DENND1A: variants seen among roughly 807,000 people sequenced by gnomAD.
DENND1A encodes the protein DENN domain-containing protein 1A.
Under a neutral mutation model 113.7 loss-of-function variants are expected in DENND1A, and 51 were observed. The observed-to-expected ratio is 0.45, with a 90% CI of 0.36 to 0.57. The LOEUF is 0.57. Among genes scored for constraint, DENND1A ranks in the 20% least tolerant of loss-of-function variants. DENND1A has a pLI of 0.00. For synonymous variants in DENND1A, 565 were observed against 570.8 expected (o/e 0.99, Z 0.14); for missense variants, 1,258 against 1,395.9 (o/e 0.90, Z 1.57).
At chr9:123,506,393 G>A (rs2052936624) in intron 13 of DENND1A, among the ~76,000 whole-genome samples, 1 of 151,830 alleles carries the variant, frequency 6.6e-6, no homozygotes, top group African/African-American at 2.4e-5. Context: ...ACCATCCTGG[G>A]CAACATGGTG....
At chr9:123,828,793 A>G (rs1171541109) in intron 2 of DENND1A, among the ~76,000 whole-genome samples, 1 of 152,156 alleles carries the variant, frequency 6.6e-6, no homozygotes, top group East Asian at 1.9e-4. Flanking sequence ...TCTATACCCA[A>G]TGAAAATATC....
chr9:123,929,916 C>A lies in DENND1A; in HGVS notation c.-11G>T. 3 of 343,990 alleles carry A rather than the reference C, an allele frequency of 8.7e-6. No homozygotes were observed. Among genetic ancestry groups the A allele is most frequent in the Admixed American group, 4.2e-5 (1 of 24,070 alleles). 21.3% of individuals were successfully genotyped at this position (343,990 alleles called of 1,614,324 possible). On this transcript the variant is annotated 5_prime_UTR_variant, in exon 1 of 24. Coordinates refer to ENST00000394215, the MANE Select transcript of DENND1A (RefSeq NM_001352964.2). Reference sequence around the variant, plus strand: ...GATCCTGGAGCCCATGGTCCCCAGGCCTCCTCATGGGCCCGCGGGCCCCGC... The same window carrying A: ...GATCCTGGAGCCCATGGTCCCCAGGACTCCTCATGGGCCCGCGGGCCCCGC...
intron 1 of DENND1A, among the ~76,000 whole-genome samples, chr9:123,894,830 T>C (rs984419467): frequency 1.3e-5 from 2 of 152,148 alleles, no homozygotes; most frequent in African/African-American, 4.8e-5. Flanking sequence ...TTCCAAACAT[T>C]TGGGAACCAG....
At chr9:123,475,939 T>A (rs1044094540) in intron 13 of DENND1A, among the ~76,000 whole-genome samples, 1 of 152,172 alleles carries the variant, frequency 6.6e-6, no homozygotes, top group Admixed American at 6.5e-5. Context: ...ATCCCAGCAC[T>A]TTGGGAGGCC....
rs368616640 is a variant in DENND1A, at chr9:123,660,067, C to G, written c.507+6959G>C. On this transcript the variant is annotated intron_variant, in intron 8 of 23. Coordinates refer to ENST00000394215, the MANE Select transcript of DENND1A (RefSeq NM_001352964.2). ...ATAGAACACATCAATTCCAGGGAGG[C>G]AGTGGGGTACAACAGGAACAAAAGC... Among the ~76,000 whole-genome samples the G allele has an allele frequency of 2.2e-4, 34 of 152,184 alleles. No homozygotes were observed. In the East Asian group the frequency reaches 2.9e-3, roughly 13 times the overall value.
intron 2 of DENND1A, among the ~76,000 whole-genome samples, chr9:123,863,430 A>G (rs1179638303): frequency 6.6e-6 from 1 of 152,196 alleles, no homozygotes; most frequent in Non-Finnish European, 1.5e-5. Context: ...TATGTTTTGG[A>G]GAAAAGGAAG....
chr9:123,912,473 G>C (rs1334484909), intron 1 of DENND1A, among the ~76,000 whole-genome samples: 1 of 152,116 alleles, frequency 6.6e-6, no homozygotes, highest in African/African-American at 2.4e-5. Context: ...ACCAAAAAGG[G>C]CAGCTAATAA....
At chr9:123,382,821 G>A (rs1390233517) in intron 23 of DENND1A, among the ~76,000 whole-genome samples, 196 bp from the exon 24 acceptor site, 1 of 152,268 alleles carries the variant, frequency 6.6e-6, no homozygotes, top group Non-Finnish European at 1.5e-5. Context: ...CTCCAAGCCT[G>A]TGCTCCGGGA....
chr9:123,791,311 G>T (rs937021835), intron 3 of DENND1A, among the ~76,000 whole-genome samples: 3 of 152,028 alleles, frequency 2.0e-5, no homozygotes, highest in African/African-American at 7.2e-5. Flanking sequence ...TTAATGAAAA[G>T]GTCCTATAAT....
intron 13 of DENND1A, among the ~76,000 whole-genome samples, chr9:123,526,509 T>A (rs1039404025): frequency 6.6e-6 from 1 of 152,164 alleles, no homozygotes; most frequent in African/African-American, 2.4e-5. Flanking sequence ...CATCTGGTTG[T>A]CATCATTTTC....
rs536122129 is a variant in DENND1A, at chr9:123,440,158, G to A, written c.1488+202C>T. 318 of 552,516 alleles carry A rather than the reference G, an allele frequency of 5.8e-4. 1 individual carries two copies. The highest frequency in any genetic ancestry group is 4.7e-3 in the African/African-American group (234 of 50,294). 34.2% of individuals were successfully genotyped at this position (552,516 alleles called of 1,614,324 possible). A position where few individuals can be genotyped will look rare whatever the true frequency, so the allele number is the denominator to read the frequency against. ...GTCCCGCTCATTTATGACCTCAGCC[G>A]TGCTGTCTCCTCAAAATTTTTGAAA... On this transcript the variant is annotated intron_variant, in intron 19 of 23. Transcript: ENST00000394215.
chr9:123,612,441 A>C (rs1175604187), intron 10 of DENND1A, among the ~76,000 whole-genome samples: 2 of 152,326 alleles, frequency 1.3e-5, no homozygotes, highest in East Asian at 3.8e-4. Context: ...TGATTATATT[A>C]TCCTAACACA....
At chr9:123,505,593 G>A (rs2052857409) in intron 13 of DENND1A, among the ~76,000 whole-genome samples, 1 of 152,158 alleles carries the variant, frequency 6.6e-6, no homozygotes, top group Non-Finnish European at 1.5e-5. Context: ...GTTCCTCTCT[G>A]TCAGGACAGA....
At chr9:123,493,494 G>A (rs1329942804) in intron 13 of DENND1A, among the ~76,000 whole-genome samples, 2 of 152,202 alleles carry the variant, frequency 1.3e-5, no homozygotes, top group African/African-American at 2.4e-5. Context: ...AGTGCCCAGA[G>A]AGCGGGGCCA....
At chr9:123,406,158 T>C (rs951144231) in intron 20 of DENND1A, among the ~76,000 whole-genome samples, 4 of 152,242 alleles carry the variant, frequency 2.6e-5, no homozygotes, top group Admixed American at 1.3e-4. Flanking sequence ...AAGACAAGTC[T>C]TTACAGAGTC....
At chr9:123,416,810 C>T (rs546022761) in intron 19 of DENND1A, among the ~76,000 whole-genome samples, 30 of 152,320 alleles carry the variant, frequency 2.0e-4, no homozygotes, top group African/African-American at 7.0e-4. Context: ...AGGATTCCTC[C>T]TGTGTGTCTT....
chr9:123,866,950 T>C (rs966889755), intron 2 of DENND1A, among the ~76,000 whole-genome samples: 4 of 152,200 alleles, frequency 2.6e-5, no homozygotes, highest in Admixed American at 1.3e-4. Flanking sequence ...TGTTATAATC[T>C]AGACAGCAAT....
intron 1 of DENND1A, among the ~76,000 whole-genome samples, chr9:123,928,090 T>C (rs1475572036): frequency 2.0e-5 from 3 of 152,238 alleles, no homozygotes; most frequent in African/African-American, 7.2e-5. Flanking sequence ...TTCTTCATAC[T>C]CATTTCACGC....
intron 13 of DENND1A, among the ~76,000 whole-genome samples, chr9:123,498,320 A>C (rs1287038082): frequency 6.6e-6 from 1 of 152,202 alleles, no homozygotes; most frequent in Non-Finnish European, 1.5e-5. Flanking sequence ...CTTACTGAGG[A>C]GGCTCAGGGA....
Sources: gnomAD v4.1 joint callset for allele counts (sites outside exome capture counted in the v4.1 genomes callset) on GRCh38, gnomAD v4.1.1 for gene constraint, MANE v1.5 for transcripts, NCBI Gene and HGNC (gene_info 2026-07-23, HGNC 2026-07-21) for gene names.